The following PHKG1 variants were observed in gnomAD, a reference collection of about 807,000 sequenced individuals.
The protein encoded by PHKG1 is phosphorylase kinase catalytic subunit gamma 1, also known as phosphorylase b kinase gamma catalytic chain, skeletal muscle/heart isoform.
PHKG1 carries 48 observed loss-of-function variants against 50.5 expected under a neutral mutation model. The ratio of observed to expected loss-of-function variants is 0.95; its 90% CI spans 0.75 to 1.21. PHKG1 has a LOEUF of 1.21. PHKG1 is among the 50% of genes most tolerant of loss of function. The pLI is 0.00. For synonymous variants in PHKG1, 204 were observed against 212.8 expected, an observed-to-expected ratio of 0.96 and a Z score of 0.36; for missense variants, 487 against 519.5, an observed-to-expected ratio of 0.94 and a Z score of 0.61.
rs769768793 is a variant in PHKG1, at chr7:56,087,803, CG to C, written c.84-28del. The C allele has an allele frequency of 1.1e-5, 17 of 1,591,208 alleles. No individual in the cohort carries two copies. The South Asian group carries it at 1.7e-4, about 15-fold the overall frequency. On this transcript the variant is annotated intron_variant, in intron 2 of 9. Transcript: ENST00000297373. ...TGGGAGTGCAGAGGACAGATGGCCT[CG>C]GGGGGCCCCTCACCCCATGGGGGGT...
chr7:56,082,818 C>T (rs1207048195), intron 6 of PHKG1, among the ~76,000 whole-genome samples: 2 of 151,948 alleles, frequency 1.3e-5, no homozygotes, highest in Non-Finnish European at 2.9e-5. Context: ...TGAAGAAATG[C>T]CTAGCCCTGC....
intron 1 of PHKG1, 35 bp downstream of exon 1, chr7:56,092,801 C>G (rs1417593690): frequency 6.6e-6 from 1 of 152,196 alleles, no homozygotes; most frequent in Non-Finnish European, 1.5e-5. Context: ...CTGCCTATCA[C>G]CTGGCTTTTG....
rs369943156 is a variant in PHKG1 at position 56,087,764 on chromosome 7, A to C, written c.96T>G (p.Ser32Arg). The change falls in exon 3 of 10, where the codon AGT becomes AGG. Residue 32 changes from serine (S) to arginine (R), a missense_variant. Transcript: ENST00000297373. ...GCTTGTGGATGCATCGCCTGACCAC[A>C]CTGCTAACGCCCCTGGGAGTGCAGA... The part of the protein sequence containing the change: ...PKEILGRGVS[S>R]VVRRCIHKPT... 45 of 1,611,764 alleles carry C rather than the reference A, an allele frequency of 2.8e-5. No individual in the cohort carries two copies. Among genetic ancestry groups the C allele is most frequent in the Non-Finnish European group, 3.7e-5 (44 of 1,179,848 alleles).
rs760767064 is a variant in PHKG1, at chr7:56,082,035, C to T, written c.650G>A (p.Gly217Asp). ...GGCCAGCAGCGTGTACATGATGACG[C>T]CAGTGCTCCACCTGGACATGCGAGG... is the stretch of plus-strand genomic sequence containing the variant. ...YGKEVDMWST[G>D]VIMYTLLAGS... Residue 217 changes from glycine to aspartate, a missense_variant, in exon 8 of 10, where the codon GGC (glycine) becomes GAC (aspartate). Physicochemically the swap from Gly to Asp is moderately conservative, Grantham distance 94. Transcript: ENST00000297373. 17 of 1,612,924 alleles carry T rather than the reference C, an allele frequency of 1.1e-5. No individual in the cohort carries two copies. The highest frequency in any genetic ancestry group is 1.0e-4 in the Admixed American group (6 of 59,980).
chr7:56,081,859 C>T lies in PHKG1; in HGVS notation c.792+34G>A. 1 of 1,612,056 alleles carries T rather than the reference C, an allele frequency of 6.2e-7. No homozygotes were observed. Among genetic ancestry groups the T allele is most frequent in the Admixed American group, 1.7e-5 (1 of 59,894 alleles). On this transcript the variant is annotated intron_variant, in intron 8 of 9. Transcript: ENST00000297373. This position sits in a 1 kb window ranked among gnomAD's most constrained non-coding sequence, Gnocchi z 4.6. ...GGCAGGGGCGCCTGGCATCGCAGCC[C>T]TGAGCCCAGGAGCCAGTTGGCCTGG...
chr7:56,082,029 A>G lies in PHKG1; in HGVS notation c.656T>C (p.Ile219Thr), dbSNP rs377310121. 54 of 1,613,362 alleles carry G rather than the reference A, an allele frequency of 3.3e-5. No individual in the cohort carries two copies. Among genetic ancestry groups the G allele is most frequent in the Non-Finnish European group, 4.3e-5 (51 of 1,179,586 alleles). The change falls in exon 8 of 10, where the codon ATC becomes ACC. Residue 219 changes from isoleucine to threonine, a missense_variant. Transcript: ENST00000297373. Reference sequence around the variant, plus strand: ...GGAGCCGGCCAGCAGCGTGTACATGATGACGCCAGTGCTCCACCTGGACAT... The same window carrying G: ...GGAGCCGGCCAGCAGCGTGTACATGGTGACGCCAGTGCTCCACCTGGACAT... ...KEVDMWSTGV[I>T]MYTLLAGSPP...
chr7:56,086,614 G>A (rs528845150), intron 4 of PHKG1, among the ~76,000 whole-genome samples: 64 of 152,032 alleles, frequency 4.2e-4, no homozygotes, highest in African/African-American at 1.3e-3. Context: ...TCAGCCTCCC[G>A]CGTAGCTGGG....
rs1464969406 is a variant in PHKG1, at chr7:56,080,445, G to A, written c.*609C>T. Reference sequence around the variant, plus strand: ...TGCCTGGCTAATTTTTTGAATTTTTGTAGTGATGGGATCTCGCTCTGTTGC... The same window carrying A: ...TGCCTGGCTAATTTTTTGAATTTTTATAGTGATGGGATCTCGCTCTGTTGC... On this transcript the variant is annotated 3_prime_UTR_variant, in exon 10 of 10. Coordinates refer to ENST00000297373, the MANE Select transcript of PHKG1 (RefSeq NM_006213.5). 6.3e-6 allele frequency: 1 copy of A among 158,156 alleles called. No individual in the cohort carries two copies. Among genetic ancestry groups the A allele is most frequent in the African/African-American group, 2.4e-5 (1 of 41,296 alleles). The allele number at this position is 158,156 out of a possible 1,614,324, so 9.8% of individuals were successfully genotyped here. A position where few individuals can be genotyped will look rare whatever the true frequency, so the allele number is the denominator to read the frequency against.
rs1315681709 is a variant in PHKG1 at position 56,081,988 on chromosome 7, G to A, written c.697C>T (p.Arg233Trp). The part of the protein sequence containing the change: ...LLAGSPPFWH[R>W]KQMLMLRMIM... The stretch of plus-strand genomic sequence containing the variant: ...ATCCTCAGCATCAGCATCTGCTTCC[G>A]GTGCCAGAAGGGCGGGGAGCCGGCC... Residue 233 changes from arginine (R) to tryptophan (W), a missense_variant, in exon 8 of 10, where the codon CGG becomes TGG. By Grantham distance (101) the Arg-to-Trp change is moderately radical. Transcript: ENST00000297373. The surrounding 1 kb of genome is among the most constrained non-coding windows in gnomAD (Gnocchi z 4.6). 22 of 1,613,916 alleles carry A rather than the reference G, an allele frequency of 1.4e-5. No individual in the cohort carries two copies. Among genetic ancestry groups the A allele is most frequent in the East Asian group, 2.2e-5 (1 of 44,868 alleles).
Position 56,082,010 on chromosome 7 carries a change from G to C in PHKG1, c.675C>G (p.Ala225=). The C allele has an allele frequency of 6.2e-7, 1 of 1,613,896 alleles. No homozygotes were observed. Among genetic ancestry groups the C allele is most frequent in the Non-Finnish European group, 8.5e-7 (1 of 1,179,946 alleles). The change falls in exon 8 of 10, where the codon GCC becomes GCG. Residue 225 remains alanine, a synonymous_variant. Coordinates refer to ENST00000297373, the MANE Select transcript of PHKG1 (RefSeq NM_006213.5). ...TCCGGTGCCAGAAGGGCGGGGAGCC[G>C]GCCAGCAGCGTGTACATGATGACGC... is the stretch of plus-strand genomic sequence containing the variant. ...STGVIMYTLL[A]GSPPFWHRKQ... is the part of the protein sequence containing the mutation.
chr7:56,082,138 GCTC>G (rs1440147960), intron 7 of PHKG1, 22 bp downstream of exon 7: 2 of 1,611,520 alleles, frequency 1.2e-6, no homozygotes, highest in Admixed American at 1.7e-5. Context: ...CTAGCTGGGT[GCTC>G]CTCCTTTCCC....
At chr7:56,086,043 T>C (rs1181940318) in intron 4 of PHKG1, among the ~76,000 whole-genome samples, 3 of 151,064 alleles carry the variant, frequency 2.0e-5, no homozygotes, top group Admixed American at 2.0e-4. Flanking sequence ...CTCCTTACTA[T>C]GGCTAAAATG....
At chr7:56,088,224 G>A (rs1796351295) in intron 2 of PHKG1, among the ~76,000 whole-genome samples, 1 of 151,802 alleles carries the variant, frequency 6.6e-6, no homozygotes, top group Non-Finnish European at 1.5e-5. Context: ...TACTGGAGAT[G>A]GGGTTTCAAC....
chr7:56,090,571 C>CCT (rs35547849), intron 1 of PHKG1, among the ~76,000 whole-genome samples: 108,610 of 151,814 alleles, frequency 0.72, 39,005 homozygotes, highest in African/African-American at 0.76. Flanking sequence ...CATCCTGGTC[C>CCT]GCCTCTGGTG....
Position 56,083,342 on chromosome 7 carries a change from G to A in PHKG1, c.483C>T (p.Asn161=). Residue 161 remains asparagine (N), a synonymous_variant, in exon 6 of 10, where the codon AAC becomes AAT. Transcript: ENST00000297373. ...LKPENILLDD[N]MNIKLTDFGF... ...CAAAGTCTGTGAGCTTGATGTTCAT[G>A]TTGTCATCCAAGAGAATGTTCTCGG... 1 of 1,614,146 alleles carries A rather than the reference G, an allele frequency of 6.2e-7. No individual in the cohort carries two copies. The highest frequency in any genetic ancestry group is 8.5e-7 in the Non-Finnish European group (1 of 1,180,012).
At position 56,082,033 on chromosome 7, in the gene PHKG1, CGCCAGT is replaced by C. The variant is rs759347162; in HGVS notation, c.646_651del (p.Thr216_Gly217del). 3.1e-6 allele frequency: 5 copies of C among 1,612,994 alleles called. No homozygotes were observed. The highest frequency in any genetic ancestry group is 4.2e-6 in the Non-Finnish European group (5 of 1,179,164). Reference sequence around the variant, plus strand: ...CCGGCCAGCAGCGTGTACATGATGACGCCAGTGCTCCACCTGGACATGCGAGGGCCC... The same window carrying C: ...CCGGCCAGCAGCGTGTACATGATGACGCTCCACCTGGACATGCGAGGGCCC... On this transcript the variant is annotated inframe_deletion, in exon 8 of 10. Coordinates refer to ENST00000297373, the MANE Select transcript of PHKG1 (RefSeq NM_006213.5).
At chr7:56,091,333 G>A (rs1030597950) in intron 1 of PHKG1, among the ~76,000 whole-genome samples, 13 of 152,018 alleles carry the variant, frequency 8.6e-5, no homozygotes, top group African/African-American at 1.7e-4. Flanking sequence ...TGGCTAACAC[G>A]GTGAAACCCT....
chr7:56,083,252 C>T lies in PHKG1; in HGVS notation c.547+26G>A, dbSNP rs750002730. The T allele has an allele frequency of 1.1e-5, 17 of 1,611,258 alleles. No homozygotes were observed. In the East Asian group the frequency reaches 1.8e-4, roughly 17 times the overall value. ...GTTGATTGAGCACCCGAGGCCTGGA[C>T]GTGGGCCAAGGCCATGTTACCAGAC... On this transcript the variant is annotated intron_variant, in intron 6 of 9. Coordinates refer to ENST00000297373, the MANE Select transcript of PHKG1 (RefSeq NM_006213.5).
chr7:56,091,010 G>C (rs960707989), intron 1 of PHKG1, among the ~76,000 whole-genome samples: 2 of 152,126 alleles, frequency 1.3e-5, no homozygotes, highest in Non-Finnish European at 2.9e-5. Flanking sequence ...TCAGGAGTTC[G>C]AGACCAGCCT....
Sources: gnomAD v4.1 joint callset for allele counts (sites outside exome capture counted in the v4.1 genomes callset) on GRCh38, gnomAD v4.1.1 for gene constraint, Gnocchi (gnomAD v3.1) non-coding constraint, MANE v1.5 for transcripts, NCBI Gene and HGNC (gene_info 2026-07-23, HGNC 2026-07-21) for gene names.